ITPR3: variants seen among roughly 807,000 people sequenced by gnomAD.
The protein encoded by ITPR3 is inositol 1,4,5-trisphosphate receptor type 3.
Under a neutral mutation model 293.2 loss-of-function variants are expected in ITPR3, and 173 were observed. The ratio of observed to expected loss-of-function variants is 0.59; its 90% CI spans 0.52 to 0.67. ITPR3 has a LOEUF of 0.67. Ranked by LOEUF, ITPR3 falls within the 30% of genes least tolerant of loss-of-function variation. The pLI is 0.00. For synonymous variants in ITPR3, 1,295 were observed against 1,444.4 expected, an observed-to-expected ratio of 0.90 and a Z score of 2.35; for missense variants, 2,796 against 3,592.1, an observed-to-expected ratio of 0.78 and a Z score of 5.66.
Position 33,693,722 on chromosome 6 carries a change from TGCCAG to T in ITPR3, c.7785+21_7785+25del. On this transcript the variant is annotated intron_variant, in intron 56 of 57. Transcript: ENST00000605930. Reference sequence around the variant, plus strand: ...ATGATCAAGGTGTGAGCAGGGGCTGTGCCAGGCCTGTGGGCCCAAACCAGCCATTC... The same window carrying T: ...ATGATCAAGGTGTGAGCAGGGGCTGTGCCTGTGGGCCCAAACCAGCCATTC... 1 of 1,612,106 alleles carries T rather than the reference TGCCAG, an allele frequency of 6.2e-7. No homozygotes were observed. The highest frequency in any genetic ancestry group is 8.5e-7 in the Non-Finnish European group (1 of 1,178,854).
chr6:33,636,714 T>C (rs1352828708), intron 1 of ITPR3, among the ~76,000 whole-genome samples: 1 of 152,002 alleles, frequency 6.6e-6, no homozygotes, highest in East Asian at 1.9e-4. Context: ...CAAGCAGAGA[T>C]GCCGAGTAGG....
At chr6:33,640,359 T>C in intron 1 of ITPR3, 125 bp from the exon 2 acceptor site, 1 of 818,538 alleles carries the variant, frequency 1.2e-6, no homozygotes, top group Non-Finnish European at 1.9e-6. Context: ...GGTGGGGAGC[T>C]TGTTAGAGAT....
At chr6:33,646,199 T>A (rs1342576604) in intron 2 of ITPR3, among the ~76,000 whole-genome samples, 2 of 152,012 alleles carry the variant, frequency 1.3e-5, no homozygotes, top group African/African-American at 4.8e-5. Context: ...TGATCTAGGA[T>A]CCCCCACTCT....
chr6:33,693,420 C>G, intron 55 of ITPR3, 125 bp from the exon 56 acceptor site: 1 of 898,088 alleles, frequency 1.1e-6, no homozygotes, highest in Non-Finnish European at 1.7e-6. Context: ...CCAGAGCGAG[C>G]TGTTGGAAGC....
At chr6:33,644,233 C>T (rs574815552) in intron 2 of ITPR3, among the ~76,000 whole-genome samples, 39 of 152,130 alleles carry the variant, frequency 2.6e-4, no homozygotes, top group Non-Finnish European at 4.3e-4. Context: ...CCCCATGCAC[C>T]CACTGCTGAG....
chr6:33,692,950 G>A lies in ITPR3; in HGVS notation c.7624+57G>A. 2 of 1,578,988 alleles carry A rather than the reference G, an allele frequency of 1.3e-6. No individual in the cohort carries two copies. The highest frequency in any genetic ancestry group is 8.7e-7 in the Non-Finnish European group (1 of 1,155,044). Reference sequence around the variant, plus strand: ...CAGCGGGGCTGGAACGTCATCTGATGCCAGTGGCAGTAGCGGTTTGGCCCT... The same window carrying A: ...CAGCGGGGCTGGAACGTCATCTGATACCAGTGGCAGTAGCGGTTTGGCCCT... On this transcript the variant is annotated intron_variant, in intron 55 of 57. Transcript: ENST00000605930. The surrounding 1 kb of genome is among the most constrained non-coding windows in gnomAD (Gnocchi z 4.2).
chr6:33,640,544 G>A lies in ITPR3; in HGVS notation c.150G>A (p.Lys50=), dbSNP rs956293599. Residue 50 remains lysine (K), a synonymous_variant, in exon 2 of 58, where the codon AAG becomes AAA. Transcript: ENST00000605930. The part of the protein sequence containing the change: ...PAAGDLDNPP[K]KFRDCLFKVC... ...CCGGGGACCTGGACAACCCCCCTAA[G>A]AAGTTCCGTGGTAAGACCTCCGCTT... 4.3e-5 allele frequency: 70 copies of A among 1,613,100 alleles called. No homozygotes were observed. Among genetic ancestry groups the A allele is most frequent in the Non-Finnish European group, 5.8e-5 (68 of 1,179,574 alleles).
chr6:33,671,225 C>A lies in ITPR3; in HGVS notation c.2647C>A (p.Arg883=), dbSNP rs762303157. Residue 883 remains arginine (R), a synonymous_variant, in exon 21 of 58, where the codon CGG becomes AGG. Transcript: ENST00000605930. Reference sequence around the variant, plus strand: ...CTTCTACAGCTTCAGCGAGCTGCTGCGGCTCACTCGCACACTGCTGGGCAT... The same window carrying A: ...CTTCTACAGCTTCAGCGAGCTGCTGAGGCTCACTCGCACACTGCTGGGCAT... ...FGFYSFSELL[R]LTRTLLGIID... The A allele has an allele frequency of 6.2e-7, 1 of 1,613,714 alleles. No individual in the cohort carries two copies. The highest frequency in any genetic ancestry group is 1.3e-5 in the African/African-American group (1 of 75,044).
At chr6:33,627,243 A>T (rs1763568453) in intron 1 of ITPR3, among the ~76,000 whole-genome samples, 1 of 41,092 alleles carries the variant, frequency 2.4e-5, no homozygotes, top group African/African-American at 7.9e-5. Flanking sequence ...AGATTAAAAA[A>T]AAATATACAT....
intron 55 of ITPR3, among the ~76,000 whole-genome samples, 177 bp downstream of exon 55, chr6:33,693,070 C>T (rs946845817): frequency 9.9e-5 from 15 of 152,140 alleles, no homozygotes; most frequent in Non-Finnish European, 2.1e-4. Flanking sequence ...AACTTGGAGT[C>T]AGAAAGGAGT....
At position 33,679,942 on chromosome 6, in the gene ITPR3, C is replaced by T; in HGVS notation, c.4033C>T (p.Leu1345=). The change falls in exon 31 of 58, where the codon CTG becomes TTG. Residue 1345 remains leucine (L), a synonymous_variant. Transcript: ENST00000605930. This position sits in a 1 kb window ranked among gnomAD's most constrained non-coding sequence, Gnocchi z 4.2. ...FYNDKASLAH[L]LDMMKAARDG... ...CAATGATAAGGCATCGCTGGCCCAC[C>T]TGCTGGACATGATGAAGGCCGCCCG... 1 of 1,613,886 alleles carries T rather than the reference C, an allele frequency of 6.2e-7. No individual in the cohort carries two copies.
At chr6:33,661,555 C>T (rs1197894922) in intron 7 of ITPR3, among the ~76,000 whole-genome samples, 16 of 152,168 alleles carry the variant, frequency 1.1e-4, no homozygotes, top group South Asian at 2.1e-4. Context: ...GTGGCTGGCA[C>T]GCGGTAAGTG....
Position 33,655,679 on chromosome 6 carries a change from G to C in ITPR3, c.161-87G>C. The C allele has an allele frequency of 1.2e-5, 18 of 1,561,308 alleles. No individual in the cohort carries two copies. In the South Asian group the frequency reaches 1.6e-4, roughly 14 times the overall value. On this transcript the variant is annotated intron_variant, in intron 2 of 57. Transcript: ENST00000605930. This position sits in a 1 kb window ranked among gnomAD's most constrained non-coding sequence, Gnocchi z 4.9. Reference sequence around the variant, plus strand: ...ACGGGGGTGGGGAAGGGTTGGGAGAGAAGAGCTGCAGGCTGGGGTTTTCTC... The same window carrying C: ...ACGGGGGTGGGGAAGGGTTGGGAGACAAGAGCTGCAGGCTGGGGTTTTCTC...
intron 2 of ITPR3, among the ~76,000 whole-genome samples, chr6:33,645,920 C>G (rs1764055185): frequency 6.6e-6 from 1 of 152,126 alleles, no homozygotes; most frequent in Admixed American, 6.5e-5. Context: ...TCACTGCAAC[C>G]TCTGCCTCCT....
chr6:33,648,374 T>C (rs1764116139), intron 2 of ITPR3, among the ~76,000 whole-genome samples: 1 of 152,060 alleles, frequency 6.6e-6, no homozygotes, highest in African/African-American at 2.4e-5. Flanking sequence ...CCACTACTGC[T>C]TGATTTACCA....
In ITPR3 at chr6:33,691,701, G is replaced by A. The variant is rs2127321524; in HGVS notation, c.7312G>A (p.Val2438Met). 6.2e-7 allele frequency: 1 copy of A among 1,614,110 alleles called. No homozygotes were observed. Among genetic ancestry groups the A allele is most frequent in the Non-Finnish European group, 8.5e-7 (1 of 1,179,990 alleles). Residue 2438 changes from valine to methionine, a missense_variant, in exon 53 of 58, where the codon GTG becomes ATG. By Grantham distance (21) the Val-to-Met change is conservative. Transcript: ENST00000605930. This position sits in a 1 kb window ranked among gnomAD's most constrained non-coding sequence, Gnocchi z 4.9. ...GATGGACTGTGTCTCAGGGCTCTCG[G>A]TGCCTGAGGTCCTGGAAGGTGAGGG... ...DKMDCVSGLS[V>M]PEVLEEDREL...
intron 9 of ITPR3, among the ~76,000 whole-genome samples, chr6:33,663,267 T>C (rs544203945): frequency 6.6e-6 from 1 of 151,888 alleles, no homozygotes; most frequent in South Asian, 2.1e-4. Context: ...CGTCTGTCTG[T>C]AATGCGCACA....
chr6:33,647,636 A>G (rs1307779051), intron 2 of ITPR3, among the ~76,000 whole-genome samples: 4 of 152,096 alleles, frequency 2.6e-5, no homozygotes, highest in African/African-American at 9.7e-5. Context: ...TGACTGGCTT[A>G]TTTCACTTAG....
Position 33,684,759 on chromosome 6 carries a change from G to A in ITPR3, c.5138-15G>A, listed in dbSNP as rs576546209. On this transcript the variant is annotated splice_polypyrimidine_tract_variant and intron_variant, in intron 38 of 57. Coordinates refer to ENST00000605930, the MANE Select transcript of ITPR3 (RefSeq NM_002224.4). The surrounding 1 kb of genome is among the most constrained non-coding windows in gnomAD (Gnocchi z 4.2). The stretch of plus-strand genomic sequence containing the variant: ...CTGTCACACCAGCTCTCCCTCAACC[G>A]AGTCCCGCCTCCAGGCCTGGACCCA... 9.3e-6 allele frequency: 15 copies of A among 1,609,652 alleles called. No individual in the cohort carries two copies. The Middle Eastern group carries it at 5.0e-4, about 53-fold the overall frequency.
Sources: gnomAD v4.1 joint callset for allele counts (sites outside exome capture counted in the v4.1 genomes callset) on GRCh38, gnomAD v4.1.1 for gene constraint, Gnocchi (gnomAD v3.1) non-coding constraint, MANE v1.5 for transcripts, NCBI Gene and HGNC (gene_info 2026-07-23, HGNC 2026-07-21) for gene names.